Variants in FANCC observed in about 807,000 individuals in gnomAD.
The protein encoded by FANCC is FA complementation group C.
FANCC carries 55 observed loss-of-function variants against 71.3 expected under a neutral mutation model. The ratio of observed to expected loss-of-function variants is 0.77; its 90% CI spans 0.62 to 0.97. FANCC has a LOEUF of 0.97. Among genes scored for constraint, FANCC ranks in the 50% least tolerant of loss-of-function variants. The probability of loss-of-function intolerance (pLI) is 0.00; values close to 1 mark genes in which losing one functional copy is unlikely to be tolerated. For missense variants in FANCC, 678 were observed against 670.9 expected (o/e 1.01, Z -0.12); for synonymous variants, 275 against 244.9 (o/e 1.12, Z -1.15).
intron 4 of FANCC, among the ~76,000 whole-genome samples, chr9:95,173,628 C>A (rs966378479): frequency 1.3e-5 from 2 of 152,090 alleles, no homozygotes; most frequent in Non-Finnish European, 2.9e-5. Flanking sequence ...AAAATGTTTA[C>A]AAAGGGGCCA....
At chr9:95,154,497 G>A (rs1452799017) in intron 6 of FANCC, among the ~76,000 whole-genome samples, 2 of 152,082 alleles carry the variant, frequency 1.3e-5, no homozygotes, top group Admixed American at 6.5e-5. Flanking sequence ...TTACAGAATG[G>A]AATGCTATAT....
In FANCC at chr9:95,275,131, T is replaced by G. The variant is rs1016486135; in HGVS notation, c.-78-25762A>C. Among the ~76,000 whole-genome samples, 13 of 129,686 alleles carry G rather than the reference T, an allele frequency of 1.0e-4. 1 individual carries two copies. Among genetic ancestry groups the G allele is most frequent in the Admixed American group, 1.5e-4 (2 of 13,128 alleles). 85.1% of individuals were successfully genotyped at this position (129,686 alleles called of 152,430 possible). A position where few individuals can be genotyped will look rare whatever the true frequency, so the allele number is the denominator to read the frequency against. The stretch of plus-strand genomic sequence containing the variant: ...TACAAAAAAAAAAAAAAAAGAAAAA[T>G]AAATTAGCCAGGCATGGTTGTGTGT... On this transcript the variant is annotated intron_variant, in intron 1 of 14. Coordinates refer to ENST00000289081, the MANE Select transcript of FANCC (RefSeq NM_000136.3).
intron 1 of FANCC, chr9:95,293,027 A>T (rs1357168212): frequency 1.9e-6 from 3 of 1,589,822 alleles, no homozygotes; most frequent in Admixed American, 1.7e-5. Context: ...GGAAAATGGA[A>T]AACTGTGCAA....
At chr9:95,233,867 G>T (rs1183783167) in intron 4 of FANCC, among the ~76,000 whole-genome samples, 1 of 152,170 alleles carries the variant, frequency 6.6e-6, no homozygotes, top group Non-Finnish European at 1.5e-5. Context: ...AGCCAGTCTA[G>T]ATGTTATAGA....
At chr9:95,195,245 CTTT>C (rs34718357) in intron 4 of FANCC, among the ~76,000 whole-genome samples, 18 of 88,470 alleles carry the variant, frequency 2.0e-4, no homozygotes, top group African/African-American at 5.4e-4. Context: ...GTTCCAGAGC[CTTT>C]TTTTTTTTTT....
At chr9:95,126,381 T>G in intron 9 of FANCC, 148 bp downstream of exon 9, 1 of 772,738 alleles carries the variant, frequency 1.3e-6, no homozygotes, top group Non-Finnish European at 2.2e-6. Context: ...TTACCTCTAA[T>G]TACCAAAAAG....
intron 4 of FANCC, among the ~76,000 whole-genome samples, chr9:95,181,805 C>T (rs1826388996): frequency 6.6e-6 from 1 of 152,178 alleles, no homozygotes; most frequent in African/African-American, 2.4e-5. Flanking sequence ...AAGAATGAAA[C>T]TCTGCTCATG....
intron 6 of FANCC, among the ~76,000 whole-genome samples, chr9:95,155,283 AAGGAAGGGGACGGAAGGGGAGAG>A (rs1830400252): frequency 1.8e-5 from 1 of 54,368 alleles, no homozygotes; most frequent in Non-Finnish European, 3.6e-5. Flanking sequence ...AGGGGAGGGG[AAGGAAGGGGACGGAAGGGGAGAG>A]GAGGGGAGGG....
chr9:95,131,071 C>A (rs1826834368), intron 8 of FANCC, among the ~76,000 whole-genome samples: 1 of 152,160 alleles, frequency 6.6e-6, no homozygotes, highest in African/African-American at 2.4e-5. Flanking sequence ...TCTTTTTAAT[C>A]TTTACCAGAT....
At chr9:95,187,006 T>G (rs143901325) in intron 4 of FANCC, among the ~76,000 whole-genome samples, 254 of 152,242 alleles carry the variant, frequency 1.7e-3, no homozygotes, top group African/African-American at 5.7e-3. Context: ...GGTCTCAAAC[T>G]CCTTACCTCA....
chr9:95,147,300 C>T (rs1469126796), intron 7 of FANCC, among the ~76,000 whole-genome samples: 1 of 152,060 alleles, frequency 6.6e-6, no homozygotes, highest in Admixed American at 6.5e-5. Context: ...GGTGGATCAC[C>T]TGAGGTCGGG....
chr9:95,223,774 C>T (rs1052379108), intron 4 of FANCC, among the ~76,000 whole-genome samples: 9 of 152,182 alleles, frequency 5.9e-5, no homozygotes, highest in South Asian at 4.1e-4. Flanking sequence ...GTCGGGAGTT[C>T]GAGACCAGCC....
chr9:95,222,772 A>T (rs1320060220), intron 4 of FANCC, among the ~76,000 whole-genome samples: 1 of 152,176 alleles, frequency 6.6e-6, no homozygotes, highest in African/African-American at 2.4e-5. Flanking sequence ...ATCCTAACAA[A>T]GCTTTTTCAT....
At chr9:95,106,744 G>A (rs2071476867) in intron 14 of FANCC, among the ~76,000 whole-genome samples, 1 of 152,234 alleles carries the variant, frequency 6.6e-6, no homozygotes, top group African/African-American at 2.4e-5. Context: ...TGAGGAGGAG[G>A]AGAGCAGCAC....
chr9:95,150,146 T>C, intron 6 of FANCC, 59 bp from the exon 7 acceptor site: 4 of 1,586,220 alleles, frequency 2.5e-6, no homozygotes, highest in Non-Finnish European at 3.5e-6. Flanking sequence ...ATTAAGGACA[T>C]ATAAAAACCT....
chr9:95,195,135 T>A (rs1054464310), intron 4 of FANCC, among the ~76,000 whole-genome samples: 3 of 141,384 alleles, frequency 2.1e-5, no homozygotes, highest in African/African-American at 8.3e-5. Flanking sequence ...GAGGCAGAGG[T>A]TGCAGTGAGC....
chr9:95,247,928 C>A (rs867704401), intron 2 of FANCC, among the ~76,000 whole-genome samples: 3 of 151,976 alleles, frequency 2.0e-5, no homozygotes, highest in Non-Finnish European at 1.5e-5. Flanking sequence ...AGAGAGGTTA[C>A]GAACTCAGCT....
At chr9:95,211,452 A>G (rs1478201932) in intron 4 of FANCC, among the ~76,000 whole-genome samples, 1 of 152,220 alleles carries the variant, frequency 6.6e-6, no homozygotes, top group East Asian at 1.9e-4. Flanking sequence ...TTAACATGCT[A>G]CTTGGCCTTG....
intron 4 of FANCC, among the ~76,000 whole-genome samples, chr9:95,213,380 C>T (rs1249462742): frequency 6.6e-6 from 1 of 152,110 alleles, no homozygotes. Flanking sequence ...AGCTAGAAGG[C>T]TCACACTTCC....
Sources: gnomAD v4.1 joint callset for allele counts (sites outside exome capture counted in the v4.1 genomes callset) on GRCh38, gnomAD v4.1.1 for gene constraint, MANE v1.5 for transcripts, NCBI Gene and HGNC (gene_info 2026-07-23, HGNC 2026-07-21) for gene names.